RAB2A: variants seen among roughly 807,000 people sequenced by gnomAD.
The protein encoded by RAB2A is ras-related protein Rab-2A.
In RAB2A, 7 loss-of-function variants were observed where a neutral mutation model predicts 32.5. The observed-to-expected ratio is 0.22, with a 90% CI of 0.12 to 0.40. The LOEUF (loss-of-function observed/expected upper bound fraction) is 0.40. Ranked by LOEUF, RAB2A falls within the 10% of genes least tolerant of loss-of-function variation. The probability of loss-of-function intolerance (pLI) is 1.00; values close to 1 mark genes in which losing one functional copy is unlikely to be tolerated. For synonymous variants in RAB2A, 79 were observed against 85.2 expected (o/e 0.93, Z 0.40); for missense variants, 108 against 260.7 (o/e 0.41, Z 4.03).
intron 6 of RAB2A, among the ~76,000 whole-genome samples, chr8:60,600,882 A>G (rs1162880764): frequency 6.6e-6 from 1 of 152,220 alleles, no homozygotes; most frequent in Non-Finnish European, 1.5e-5. Flanking sequence ...TTTTGTAACA[A>G]TGTACTAATA....
intron 2 of RAB2A, among the ~76,000 whole-genome samples, chr8:60,562,398 G>C (rs1031595127): frequency 6.6e-6 from 1 of 152,188 alleles, no homozygotes; most frequent in South Asian, 2.1e-4. Context: ...TTTACCTGCT[G>C]TGTGTTAAGG....
chr8:60,565,652 GCT>G (rs1808098926), intron 2 of RAB2A, among the ~76,000 whole-genome samples: 1 of 135,832 alleles, frequency 7.4e-6, no homozygotes, highest in African/African-American at 2.6e-5. Flanking sequence ...TTCTCATTAA[GCT>G]CTGAAAAAGT....
At chr8:60,570,194 G>T (rs528130292) in intron 2 of RAB2A, 1 of 303,158 alleles carries the variant, frequency 3.3e-6, no homozygotes, top group Non-Finnish European at 6.7e-6. Flanking sequence ...TTTCTAGTTT[G>T]TAGTTGTTTT....
At chr8:60,604,868 T>C (rs1804198989) in intron 6 of RAB2A, among the ~76,000 whole-genome samples, 1 of 152,164 alleles carries the variant, frequency 6.6e-6, no homozygotes, top group African/African-American at 2.4e-5. Flanking sequence ...GGCCATGTGG[T>C]AGAAAAGAAA....
Position 60,517,124 on chromosome 8 carries a change from C to A in RAB2A, c.-84C>A. The A allele has an allele frequency of 7.3e-7, 1 of 1,377,422 alleles. No individual in the cohort carries two copies. Among genetic ancestry groups the A allele is most frequent in the Non-Finnish European group, 9.6e-7 (1 of 1,044,414 alleles). 85.3% of individuals were successfully genotyped at this position (1,377,422 alleles called of 1,614,324 possible). On this transcript the variant is annotated 5_prime_UTR_variant, in exon 1 of 8. It adds an upstream start codon to the 5' untranslated region. Coordinates refer to ENST00000262646, the MANE Select transcript of RAB2A (RefSeq NM_002865.3). Reference sequence around the variant, plus strand: ...GCGGGCGGCGCCTGGCGTTTCGAGGCTGAGCGGCACCGGGGTTGGGGCGCG... The same window carrying A: ...GCGGGCGGCGCCTGGCGTTTCGAGGATGAGCGGCACCGGGGTTGGGGCGCG...
chr8:60,526,123 T>TA (rs1483490999), intron 1 of RAB2A, among the ~76,000 whole-genome samples: 11 of 149,882 alleles, frequency 7.3e-5, no homozygotes, highest in African/African-American at 2.7e-4. Context: ...GAATTTATCT[T>TA]ACGGTTCTAT....
intron 1 of RAB2A, among the ~76,000 whole-genome samples, chr8:60,524,353 C>T (rs1306527380): frequency 6.6e-6 from 1 of 151,398 alleles, no homozygotes; most frequent in East Asian, 1.9e-4. Flanking sequence ...TTTCCCTTTC[C>T]TTCTGGCCCA....
At chr8:60,618,203 TTCTTAA>T (rs1304709793) in intron 6 of RAB2A, among the ~76,000 whole-genome samples, 2 of 152,270 alleles carry the variant, frequency 1.3e-5, no homozygotes, top group Admixed American at 1.3e-4. Flanking sequence ...ACATCCTTTG[TTCTTAA>T]TCTTAGGGGA....
chr8:60,589,445 A>G, intron 5 of RAB2A, among the ~76,000 whole-genome samples: 1 of 152,238 alleles, frequency 6.6e-6, no homozygotes, highest in East Asian at 1.9e-4. Context: ...AATTAGACGC[A>G]TTAAGCAGTA....
chr8:60,517,110 C>T lies in RAB2A; in HGVS notation c.-98C>T, dbSNP rs1807217524. On this transcript the variant is annotated 5_prime_UTR_variant, in exon 1 of 8. Coordinates refer to ENST00000262646, the MANE Select transcript of RAB2A (RefSeq NM_002865.3). ...CAGCAGCGGCGGCGGCGGGCGGCGC[C>T]TGGCGTTTCGAGGCTGAGCGGCACC... 1.6e-6 allele frequency: 2 copies of T among 1,288,188 alleles called. No individual in the cohort carries two copies. Among genetic ancestry groups the T allele is most frequent in the East Asian group, 3.1e-5 (1 of 32,024 alleles). The allele number at this position is 1,288,188 out of a possible 1,614,324, so 79.8% of individuals were successfully genotyped here.
chr8:60,598,950 AAAAAAAAAAAAAAAAAG>A (rs1804080722), intron 6 of RAB2A, among the ~76,000 whole-genome samples: 1 of 148,128 alleles, frequency 6.8e-6, no homozygotes, highest in East Asian at 1.9e-4. Flanking sequence ...AAAAAAAAAA[AAAAAAAAAAAAAAAAAG>A]AAAAGGCATA....
At chr8:60,618,357 C>A (rs933868397) in intron 6 of RAB2A, among the ~76,000 whole-genome samples, 3 of 152,068 alleles carry the variant, frequency 2.0e-5, no homozygotes, top group African/African-American at 7.2e-5. Context: ...TTGTCAAATG[C>A]TTTTTCTATG....
intron 2 of RAB2A, among the ~76,000 whole-genome samples, chr8:60,571,168 G>T (rs1808192235): frequency 6.6e-6 from 1 of 152,168 alleles, no homozygotes; most frequent in African/African-American, 2.4e-5. Context: ...AGCCAAAGTA[G>T]TAAACTTGTA....
In RAB2A at chr8:60,620,674, G is replaced by A; in HGVS notation, c.544G>A (p.Ala182Thr). The part of the protein sequence containing the change: ...QEGVFDINNE[A>T]NGIKIGPQHA... ...ATTGTTCTGTTCTCTTTTATTTCAG[G>A]CAAATGGCATTAAAATTGGCCCTCA... Residue 182 changes from alanine (A) to threonine (T), a missense_variant and splice_region_variant, in exon 8 of 8, where the codon GCA (alanine) becomes ACA (threonine). Physicochemically the swap from Ala to Thr is moderately conservative, Grantham distance 58. Coordinates refer to ENST00000262646, the MANE Select transcript of RAB2A (RefSeq NM_002865.3). 6.2e-7 allele frequency: 1 copy of A among 1,608,092 alleles called. No homozygotes were observed. Among genetic ancestry groups the A allele is most frequent in the Non-Finnish European group, 8.5e-7 (1 of 1,175,550 alleles).
chr8:60,522,689 A>G (rs929680374), intron 1 of RAB2A, among the ~76,000 whole-genome samples: 3 of 152,148 alleles, frequency 2.0e-5, no homozygotes, highest in African/African-American at 7.2e-5. Flanking sequence ...GGTTAAATAC[A>G]AGAGAAGGGG....
At chr8:60,563,335 A>T (rs1209301716) in intron 2 of RAB2A, among the ~76,000 whole-genome samples, 1 of 152,216 alleles carries the variant, frequency 6.6e-6, no homozygotes, top group African/African-American at 2.4e-5. Flanking sequence ...CTTGCTCCTC[A>T]AAAGATGGTT....
intron 1 of RAB2A, among the ~76,000 whole-genome samples, chr8:60,533,166 A>G (rs950634263): frequency 2.6e-5 from 4 of 152,234 alleles, no homozygotes; most frequent in Non-Finnish European, 5.9e-5. Context: ...ACATTACTTG[A>G]TTCATATGAG....
chr8:60,523,628 T>C (rs1237429189), intron 1 of RAB2A, among the ~76,000 whole-genome samples: 1 of 152,178 alleles, frequency 6.6e-6, no homozygotes. Context: ...ATTTATCAAA[T>C]GAGAGCTGAA....
At chr8:60,610,111 C>A (rs1804312807) in intron 6 of RAB2A, among the ~76,000 whole-genome samples, 1 of 151,556 alleles carries the variant, frequency 6.6e-6, no homozygotes, top group African/African-American at 2.4e-5. Flanking sequence ...CTAGGTAAAC[C>A]CCCACCCTTC....
Sources: allele counts gnomAD v4.1 joint callset (sites outside exome capture counted in the v4.1 genomes callset), GRCh38; gene constraint gnomAD v4.1.1; transcripts MANE v1.5; gene names NCBI Gene and HGNC (gene_info 2026-07-23, HGNC 2026-07-21).